The following ABCC9 variants were observed in gnomAD, a reference collection of about 807,000 sequenced individuals.
The protein encoded by ABCC9 is ATP-binding cassette sub-family C member 9.
Under a neutral mutation model 188.3 loss-of-function variants are expected in ABCC9, and 95 were observed. The ratio of observed to expected loss-of-function variants is 0.50; its 90% confidence interval spans 0.43 to 0.60. The LOEUF is 0.60. Among genes scored for constraint, ABCC9 ranks in the 20% least tolerant of loss-of-function variants. The pLI, the probability that ABCC9 is intolerant of heterozygous loss-of-function variation, is 0.00. For missense variants in ABCC9, 1,102 were observed against 1,876.3 expected (o/e 0.59, Z 7.62); for synonymous variants, 659 against 652.7 (o/e 1.01, Z -0.15).
In ABCC9 at chr12:21,927,815, C is replaced by T. The variant is rs547757340; in HGVS notation, c.285-1752G>A. ...AAGTAGTATGGTAGCGCTTAAAAAC[C>T]ACCTACCACCTCCTGTAAATAGATC... On this transcript the variant is annotated intron_variant, in intron 4 of 39. Coordinates refer to ENST00000261200, the MANE Select transcript of ABCC9 (RefSeq NM_020297.4). 1.7e-4 allele frequency among the ~76,000 whole-genome samples: 26 copies of T among 152,188 alleles called. 2 individuals are homozygous for T. In the South Asian group the frequency reaches 5.2e-3, roughly 30 times the overall value.
chr12:21,901,457 T>C (rs1257133986), intron 12 of ABCC9, among the ~76,000 whole-genome samples: 1 of 152,124 alleles, frequency 6.6e-6, no homozygotes, highest in Non-Finnish European at 1.5e-5. Flanking sequence ...CATAACAATA[T>C]TAACCTTAAA....
At chr12:21,815,635 T>G (rs1942560508) in intron 34 of ABCC9, 128 bp downstream of exon 34, 2 of 1,141,050 alleles carry the variant, frequency 1.8e-6, no homozygotes, top group Non-Finnish European at 2.6e-6. Context: ...TTTATGCAGA[T>G]AATTTGACCT....
intron 31 of ABCC9, among the ~76,000 whole-genome samples, chr12:21,822,658 G>T (rs1438436811): frequency 6.6e-6 from 1 of 151,906 alleles, no homozygotes; most frequent in East Asian, 1.9e-4. Context: ...GGGTGTGATG[G>T]CAGGCACCTG....
chr12:21,934,911 C>A (rs554455325), intron 3 of ABCC9, among the ~76,000 whole-genome samples: 3 of 152,164 alleles, frequency 2.0e-5, no homozygotes, highest in Admixed American at 6.5e-5. Context: ...TTAATATATT[C>A]TACTAGAACT....
intron 12 of ABCC9, among the ~76,000 whole-genome samples, chr12:21,905,452 A>G (rs1947995307): frequency 6.6e-6 from 1 of 152,020 alleles, no homozygotes; most frequent in Non-Finnish European, 1.5e-5. Context: ...AGGATTTGAC[A>G]TTTTTAGCGA....
rs1479876823 is a variant in ABCC9, at chr12:21,927,288, G to A, written c.285-1225C>T. Among the ~76,000 whole-genome samples the A allele has an allele frequency of 2.0e-5, 3 of 152,242 alleles. No homozygotes were observed. In the East Asian group the frequency reaches 5.8e-4, roughly 29 times the overall value. On this transcript the variant is annotated intron_variant, in intron 4 of 39. Transcript: ENST00000261200. ...AACTGAAACACTTGAATAGGTAAGC[G>A]GTATGATCAGATTTGTTTTAAACGG...
At chr12:21,922,353 T>G (rs1214535349) in intron 5 of ABCC9, among the ~76,000 whole-genome samples, 1 of 151,974 alleles carries the variant, frequency 6.6e-6, no homozygotes, top group Non-Finnish European at 1.5e-5. Flanking sequence ...TTTGCAAATG[T>G]TGAACCATGC....
intron 21 of ABCC9, 137 bp downstream of exon 21, chr12:21,860,834 T>C: frequency 1.4e-6 from 1 of 704,492 alleles, no homozygotes; most frequent in Middle Eastern, 3.9e-4. Flanking sequence ...CCATCCTTGG[T>C]TTTCTGGAAC....
In ABCC9 at chr12:21,799,081, A is replaced by G. The variant is rs1248618837; in HGVS notation, c.*1963T>C. The stretch of plus-strand genomic sequence containing the variant: ...ATGGACACAGGAAGGGGAATATCAC[A>G]CTCTGGGGACTGTGGTGGGGTGGGG... On this transcript the variant is annotated 3_prime_UTR_variant, in exon 40 of 40. Coordinates refer to ENST00000261200, the MANE Select transcript of ABCC9 (RefSeq NM_020297.4). 1 of 131,572 alleles carries G rather than the reference A, an allele frequency of 7.6e-6. No homozygotes were observed. Among genetic ancestry groups the G allele is most frequent in the Non-Finnish European group, 1.6e-5 (1 of 62,772 alleles). 8.2% of individuals were successfully genotyped at this position (131,572 alleles called of 1,614,324 possible).
intron 7 of ABCC9, among the ~76,000 whole-genome samples, chr12:21,913,452 G>A (rs895819521): frequency 7.2e-5 from 11 of 152,136 alleles, no homozygotes; most frequent in Admixed American, 3.3e-4. Flanking sequence ...AAGCAAAAGA[G>A]TAAAGCACAA....
chr12:21,901,215 G>A (rs1947732318), intron 12 of ABCC9, among the ~76,000 whole-genome samples: 2 of 152,124 alleles, frequency 1.3e-5, no homozygotes, highest in Admixed American at 6.5e-5. Context: ...AGCTTCATAA[G>A]TGAAGGAGAA....
At chr12:21,855,441 C>T (rs1202018552) in intron 22 of ABCC9, among the ~76,000 whole-genome samples, 1 of 152,142 alleles carries the variant, frequency 6.6e-6, no homozygotes, top group Non-Finnish European at 1.5e-5. Flanking sequence ...AGGCTGGTTT[C>T]ATACTCCTGA....
At chr12:21,886,316 C>T (rs1210839635) in intron 15 of ABCC9, among the ~76,000 whole-genome samples, 3 of 152,086 alleles carry the variant, frequency 2.0e-5, no homozygotes, top group Non-Finnish European at 4.4e-5. Context: ...ATGGCTATAT[C>T]ATCTACCCAG....
At chr12:21,928,867 A>T (rs1949157229) in intron 4 of ABCC9, among the ~76,000 whole-genome samples, 1 of 152,086 alleles carries the variant, frequency 6.6e-6, no homozygotes, top group Non-Finnish European at 1.5e-5. Context: ...TCAAATGCTA[A>T]TTTTTTCCCT....
At chr12:21,801,455 A>G (rs1019174680) in intron 39 of ABCC9, among the ~76,000 whole-genome samples, 1 of 152,190 alleles carries the variant, frequency 6.6e-6, no homozygotes, top group Non-Finnish European at 1.5e-5. Flanking sequence ...TGAAACCTTA[A>G]GTTTAAGTAG....
At position 21,910,904 on chromosome 12, in the gene ABCC9, A is replaced by T; in HGVS notation, c.1086T>A (p.Leu362=). Residue 362 remains leucine, a synonymous_variant, in exon 9 of 40, where the codon CTT becomes CTA. Transcript: ENST00000261200. ...YVLAVLLFLA[L]ILQRTFLQAS... ...CCTGCAAAAATGTCCTTTGCAGAAT[A>T]AGAGCCAAGAAGAGAAGAACTGCTA... 6.2e-7 allele frequency: 1 copy of T among 1,612,652 alleles called. No individual in the cohort carries two copies. The highest frequency in any genetic ancestry group is 8.5e-7 in the Non-Finnish European group (1 of 1,178,948).
At chr12:21,886,161 T>C (rs1345942493) in intron 15 of ABCC9, among the ~76,000 whole-genome samples, 1 of 152,174 alleles carries the variant, frequency 6.6e-6, no homozygotes, top group African/African-American at 2.4e-5. Context: ...TATTATCTAA[T>C]GGCTAATGGC....
intron 36 of ABCC9, among the ~76,000 whole-genome samples, chr12:21,811,376 G>A (rs994547576): frequency 2.0e-5 from 3 of 152,172 alleles, no homozygotes; most frequent in South Asian, 2.1e-4. Context: ...ATGCCAACAT[G>A]GACTTTGGAA....
intron 20 of ABCC9, among the ~76,000 whole-genome samples, chr12:21,861,988 G>C (rs927391236): frequency 6.6e-6 from 1 of 152,084 alleles, no homozygotes; most frequent in Non-Finnish European, 1.5e-5. Context: ...GAAGATGCTG[G>C]GGGAAATGGC....
Sources: gnomAD v4.1 joint callset for allele counts (sites outside exome capture counted in the v4.1 genomes callset) on GRCh38, gnomAD v4.1.1 for gene constraint, MANE v1.5 for transcripts, NCBI Gene and HGNC (gene_info 2026-07-23, HGNC 2026-07-21) for gene names.